FAM83F: variants seen among roughly 807,000 people sequenced by gnomAD.
FAM83F encodes scaffolding CK1 anchoring protein F.
A neutral mutation model predicts 42.9 loss-of-function variants in FAM83F; 45 were observed. The ratio of observed to expected loss-of-function variants is 1.05; its 90% CI spans 0.83 to 1.35. The LOEUF (loss-of-function observed/expected upper bound fraction) is 1.35, where lower values mean the gene tolerates loss of function less well. Among genes scored for constraint, FAM83F ranks in the 40% most tolerant of loss-of-function variants. FAM83F has a pLI of 0.00. For synonymous variants in FAM83F, 306 were observed against 298.3 expected (o/e 1.03, Z -0.27); for missense variants, 617 against 695.9 (o/e 0.89, Z 1.28).
In FAM83F at chr22:39,995,206, T is replaced by C. The variant is rs1396821063; in HGVS notation, c.164T>C (p.Leu55Pro). The change falls in exon 1 of 5, where the codon CTG becomes CCG. Residue 55 changes from leucine to proline, a missense_variant. Leu to Pro is a moderately conservative substitution (Grantham distance 98, BLOSUM62 -3). Transcript: ENST00000333407. The surrounding 1 kb of genome is among the most constrained non-coding windows in gnomAD (Gnocchi z 4.6). ...CGCGAGCGGCTCAAGGAGGAGCAGCTGCGGGACTTCCTCTCCAGCCCGGAG... is the reference window on the plus strand; with the variant it reads ...CGCGAGCGGCTCAAGGAGGAGCAGCCGCGGGACTTCCTCTCCAGCCCGGAG... ...AYRERLKEEQ[L>P]RDFLSSPERQ... is the part of the protein sequence containing the mutation. 3.3e-6 allele frequency: 5 copies of C among 1,529,762 alleles called. No homozygotes were observed. Among genetic ancestry groups the C allele is most frequent in the Non-Finnish European group, 3.5e-6 (4 of 1,144,192 alleles). 94.8% of individuals were successfully genotyped at this position (1,529,762 alleles called of 1,614,324 possible). A position where few individuals can be genotyped will look rare whatever the true frequency, so the allele number is the denominator to read the frequency against.
At position 39,995,464 on chromosome 22, in the gene FAM83F, C is replaced by CG; in HGVS notation, c.423dup (p.Pro142AlafsTer33). On this transcript the variant is annotated frameshift_variant, in exon 1 of 5. Coordinates refer to ENST00000333407, the MANE Select transcript of FAM83F (RefSeq NM_138435.4). LOFTEE classifies it high-confidence loss of function. The surrounding 1 kb of genome is among the most constrained non-coding windows in gnomAD (Gnocchi z 4.6). Reference sequence around the variant, plus strand: ...AGCCGGGTCACGCTCTTCACCCACCCGCCCAAGGACGAGAAGGCGCCGCAC... The same window carrying CG: ...AGCCGGGTCACGCTCTTCACCCACCCGGCCCAAGGACGAGAAGGCGCCGCAC... 1 of 1,571,900 alleles carries CG rather than the reference C, an allele frequency of 6.4e-7. No homozygotes were observed. Among genetic ancestry groups the CG allele is most frequent in the Non-Finnish European group, 8.6e-7 (1 of 1,158,378 alleles).
In FAM83F at chr22:40,039,375, G is replaced by A. The variant is rs2067641640; in HGVS notation, c.*9810G>A. ...CCTGCCTCTGCCTCCCAAAGTGCTG[G>A]GAGGATTACAGGCATGAACCACTAC... On this transcript the variant is annotated 3_prime_UTR_variant, in exon 5 of 5. Coordinates refer to ENST00000333407, the MANE Select transcript of FAM83F (RefSeq NM_138435.4). The A allele has an allele frequency of 6.6e-6, 1 of 152,134 alleles. No homozygotes were observed. Among genetic ancestry groups the A allele is most frequent in the Admixed American group, 6.6e-5 (1 of 15,260 alleles). 9.4% of individuals were successfully genotyped at this position (152,134 alleles called of 1,614,324 possible). A position where few individuals can be genotyped will look rare whatever the true frequency, so the allele number is the denominator to read the frequency against.
rs917899167 is a variant in FAM83F, at chr22:40,023,806, G to A, written c.1453+1843G>A. Among the ~76,000 whole-genome samples, 2 of 152,160 alleles carry A rather than the reference G, an allele frequency of 1.3e-5. No homozygotes were observed. Among genetic ancestry groups the A allele is most frequent in the Non-Finnish European group, 1.5e-5 (1 of 68,022 alleles). On this transcript the variant is annotated intron_variant, in intron 4 of 4. Transcript: ENST00000333407. This position sits in a 1 kb window ranked among gnomAD's most constrained non-coding sequence, Gnocchi z 4.1. ...GAGAGAGAGGGAATAGTGAGGGCGA[G>A]GGCACGGACAGCCAGGAAGGTCCGG...
rs563208383 is a variant in FAM83F, at chr22:40,029,979, G to A, written c.*414G>A. 3.2e-4 allele frequency: 54 copies of A among 170,712 alleles called. No homozygotes were observed. The highest frequency in any genetic ancestry group is 1.9e-3 in the Admixed American group (34 of 17,532). 10.6% of individuals were successfully genotyped at this position (170,712 alleles called of 1,614,324 possible). A position where few individuals can be genotyped will look rare whatever the true frequency, so the allele number is the denominator to read the frequency against. ...CTTCCTGGTGCTTCTGGTTCCCCAC[G>A]CCACTCCCCACCCAAGAGATTGGTG... On this transcript the variant is annotated 3_prime_UTR_variant, in exon 5 of 5. Coordinates refer to ENST00000333407, the MANE Select transcript of FAM83F (RefSeq NM_138435.4).
At position 40,019,900 on chromosome 22, in the gene FAM83F, G is replaced by T. The variant is rs536050162; in HGVS notation, c.671G>T (p.Arg224Leu). 19 of 1,612,164 alleles carry T rather than the reference G, an allele frequency of 1.2e-5. No homozygotes were observed. In the South Asian group the frequency reaches 2.1e-4, roughly 18 times the overall value. Residue 224 changes from arginine (R) to leucine (L), a missense_variant, in exon 3 of 5, where the codon CGC (arginine) becomes CTC (leucine). Physicochemically the swap from Arg to Leu is moderately radical, Grantham distance 102. Transcript: ENST00000333407. ...TCTTCCCAACAGAACATCCGTGTCCGCTCTGTGACAGGCGTCGGCTTCTAC... is the reference window on the plus strand; with the variant it reads ...TCTTCCCAACAGAACATCCGTGTCCTCTCTGTGACAGGCGTCGGCTTCTAC... ...TDFRIRNIRV[R>L]SVTGVGFYMP... is the part of the protein sequence containing the mutation.
Position 40,042,992 on chromosome 22 carries a change from A to G in FAM83F, c.*13427A>G. On this transcript the variant is annotated 3_prime_UTR_variant, in exon 5 of 5. Coordinates refer to ENST00000333407, the MANE Select transcript of FAM83F (RefSeq NM_138435.4). ...TTAAGGACTCACGTTCTTACAACCTATATTAGAATTTGACGCACGATCTTT... is the reference window on the plus strand; with the variant it reads ...TTAAGGACTCACGTTCTTACAACCTGTATTAGAATTTGACGCACGATCTTT... 1 of 152,170 alleles carries G rather than the reference A, an allele frequency of 6.6e-6. No individual in the cohort carries two copies. The highest frequency in any genetic ancestry group is 1.9e-4 in the East Asian group (1 of 5,196). The allele number at this position is 152,170 out of a possible 1,614,324, so 9.4% of individuals were successfully genotyped here.
intron 1 of FAM83F, 71 bp from the exon 2 acceptor site, chr22:40,019,097 C>T (rs2145719037): frequency 2.6e-6 from 4 of 1,562,766 alleles, no homozygotes; most frequent in South Asian, 2.3e-5. Context: ...CGAGGTGGTA[C>T]CATCTGAGCA....
In FAM83F at chr22:40,000,402, G is replaced by A. The variant is rs143859260; in HGVS notation, c.489+4871G>A. 8.6e-3 allele frequency among the ~76,000 whole-genome samples: 1,302 copies of A among 152,244 alleles called. 16 individuals are homozygous for A. Among genetic ancestry groups the A allele is most frequent in the Non-Finnish European group, 0.011 (739 of 68,014 alleles). ...TGGGATACAGATGCCCCCGGGCATG[G>A]CAAAGTCTTGGAGTCATCAGCTCAA... On this transcript the variant is annotated intron_variant, in intron 1 of 4. Coordinates refer to ENST00000333407, the MANE Select transcript of FAM83F (RefSeq NM_138435.4).
rs184882939 is a variant in FAM83F at position 40,015,086 on chromosome 22, G to A, written c.490-4082G>A. On this transcript the variant is annotated intron_variant, in intron 1 of 4. Coordinates refer to ENST00000333407, the MANE Select transcript of FAM83F (RefSeq NM_138435.4). ...GAACCAACTGGATGGGCATGTTTGT[G>A]TGTGTGTAAGAGAGATCCACGGAGA... Among the ~76,000 whole-genome samples the A allele has an allele frequency of 2.2e-3, 332 of 152,282 alleles. 1 individual carries two copies. The highest frequency in any genetic ancestry group is 8.1e-3 in the South Asian group (39 of 4,826).
rs1027235229 is a variant in FAM83F at position 40,026,246 on chromosome 22, C to T, written c.1454-3270C>T. 5.3e-5 allele frequency among the ~76,000 whole-genome samples: 8 copies of T among 152,166 alleles called. No homozygotes were observed. In the South Asian group the frequency reaches 1.7e-3, roughly 32 times the overall value. On this transcript the variant is annotated intron_variant, in intron 4 of 4. Transcript: ENST00000333407. ...ACCTTTAAAGACTGTTTGGGCCCGGCGTGGTGGCTCATGCCTGTAATCCCA... is the reference window on the plus strand; with the variant it reads ...ACCTTTAAAGACTGTTTGGGCCCGGTGTGGTGGCTCATGCCTGTAATCCCA...
intron 1 of FAM83F, among the ~76,000 whole-genome samples, chr22:40,001,318 G>A (rs1052573539): frequency 3.1e-4 from 47 of 152,292 alleles, no homozygotes; most frequent in African/African-American, 1.0e-3. Context: ...ATAAAATGGG[G>A]AAGATAATAC....
chr22:40,001,719 A>G (rs557213147), intron 1 of FAM83F, among the ~76,000 whole-genome samples: 32 of 152,228 alleles, frequency 2.1e-4, no homozygotes, highest in Non-Finnish European at 4.4e-4. Flanking sequence ...CCATGTGTGA[A>G]AGCTGAGGAT....
chr22:39,999,334 C>T (rs1037243536), intron 1 of FAM83F, among the ~76,000 whole-genome samples: 4 of 152,172 alleles, frequency 2.6e-5, no homozygotes, highest in Admixed American at 1.3e-4. Flanking sequence ...TTGTGACCAG[C>T]GGCATCCAAT....
chr22:40,038,718 C>A lies in FAM83F; in HGVS notation c.*9153C>A. The A allele has an allele frequency of 6.1e-6, 1 of 163,398 alleles. No individual in the cohort carries two copies. The highest frequency in any genetic ancestry group is 6.3e-5 in the Admixed American group (1 of 15,992). 10.1% of individuals were successfully genotyped at this position (163,398 alleles called of 1,614,324 possible). A position where few individuals can be genotyped will look rare whatever the true frequency, so the allele number is the denominator to read the frequency against. On this transcript the variant is annotated 3_prime_UTR_variant, in exon 5 of 5. Transcript: ENST00000333407. Reference sequence around the variant, plus strand: ...AAGAAAGTGTAGACTTGGGGACAGGCAGAGGAAGAGGGGGCATCATAGGCA... The same window carrying A: ...AAGAAAGTGTAGACTTGGGGACAGGAAGAGGAAGAGGGGGCATCATAGGCA...
In FAM83F at chr22:40,040,231, T is replaced by C. The variant is rs781773590; in HGVS notation, c.*10666T>C. 1.3e-5 allele frequency: 2 copies of C among 152,186 alleles called. No homozygotes were observed. The highest frequency in any genetic ancestry group is 2.9e-5 in the Non-Finnish European group (2 of 68,042). 9.4% of individuals were successfully genotyped at this position (152,186 alleles called of 1,614,324 possible). A position where few individuals can be genotyped will look rare whatever the true frequency, so the allele number is the denominator to read the frequency against. On this transcript the variant is annotated 3_prime_UTR_variant, in exon 5 of 5. Coordinates refer to ENST00000333407, the MANE Select transcript of FAM83F (RefSeq NM_138435.4). The stretch of plus-strand genomic sequence containing the variant: ...CCAGCTGCACTGTGGGGTTCCCAAG[T>C]CAGACATCCCAGAGGCAATATAGCA...
rs1322196074 is a variant in FAM83F at position 40,032,940 on chromosome 22, T to C, written c.*3375T>C. The C allele has an allele frequency of 6.6e-6, 1 of 152,194 alleles. No individual in the cohort carries two copies. The highest frequency in any genetic ancestry group is 2.4e-5 in the African/African-American group (1 of 41,452). The allele number at this position is 152,194 out of a possible 1,614,324, so 9.4% of individuals were successfully genotyped here. ...TCATATTTATTGAGCACCTACTATA[T>C]GCCAGTCACCATGCTAGATGCTTTA... On this transcript the variant is annotated 3_prime_UTR_variant, in exon 5 of 5. Transcript: ENST00000333407.
chr22:40,018,346 G>T (rs897857487), intron 1 of FAM83F, among the ~76,000 whole-genome samples: 2 of 152,196 alleles, frequency 1.3e-5, no homozygotes, highest in East Asian at 3.8e-4. Flanking sequence ...TGGCATCTCC[G>T]TGATGGCATC....
At chr22:40,019,786 G>A (rs956505773) in intron 2 of FAM83F, 101 bp from the exon 3 acceptor site, 3 of 1,453,352 alleles carry the variant, frequency 2.1e-6, no homozygotes, top group Admixed American at 2.4e-5. Context: ...GAGCCTGCAG[G>A]CAGGGTCCAT....
intron 1 of FAM83F, among the ~76,000 whole-genome samples, chr22:40,014,131 C>CTTTTTTTTTTTTTTTTTTTTTTTTT (rs57224519): frequency 1.9e-4 from 22 of 116,808 alleles, no homozygotes; most frequent in African/African-American, 4.3e-4. Context: ...TATTTCTTTT[C>CTTTTTTTTTTTTTTTTTTTTTTTTT]TTTTTTTTTT....
Sources: gnomAD v4.1 joint callset for allele counts (sites outside exome capture counted in the v4.1 genomes callset) on GRCh38, gnomAD v4.1.1 for gene constraint, Gnocchi (gnomAD v3.1) non-coding constraint, MANE v1.5 for transcripts, NCBI Gene and HGNC (gene_info 2026-07-23, HGNC 2026-07-21) for gene names.